The following IGSF1 variants were observed in gnomAD, a reference collection of about 807,000 sequenced individuals.
The protein encoded by IGSF1 is immunoglobulin superfamily member 1, also known as immunoglobulin-like domain-containing protein 1.
IGSF1 carries 40 observed loss-of-function variants against 95.3 expected under a neutral mutation model. The observed-to-expected ratio is 0.42, with a 90% CI of 0.33 to 0.55. IGSF1 has a LOEUF of 0.55. IGSF1 is among the 20% of genes least tolerant of loss of function. The pLI is 0.10. For synonymous variants in IGSF1, 372 were observed against 382.9 expected (o/e 0.97, Z 0.33); for missense variants, 906 against 1,025.4 (o/e 0.88, Z 1.59).
In IGSF1 at chrX:131,283,102, T is replaced by G; in HGVS notation, c.830A>C (p.Asn277Thr). The change falls in exon 6 of 20, where the codon AAT (asparagine) becomes ACT (threonine). Residue 277 changes from asparagine to threonine, a missense_variant. Around this residue, in one of 5 missense-constraint regions of IGSF1, gnomAD observed 442 missense variants for 448.1 expected, o/e 0.99. Transcript: ENST00000361420. Reference sequence around the variant, plus strand: ...AGACTGGAAGAAGAAATTTGCCTCATTTTTTATTGTCTTCTTGTGGTAAAA... The same window carrying G: ...AGACTGGAAGAAGAAATTTGCCTCAGTTTTTATTGTCTTCTTGTGGTAAAA... ...KSFYHKKTIK[N>T]EANFFFQSLK... 2 of 1,210,373 alleles carry G rather than the reference T, an allele frequency of 1.7e-6. No individual in the cohort carries two copies. The highest frequency in any genetic ancestry group is 1.1e-6 in the Non-Finnish European group (1 of 894,140).
chrX:131,286,177 T>C (rs2080634183), intron 3 of IGSF1, 129 bp from the exon 4 acceptor site: 3 of 608,501 alleles, frequency 4.9e-6, no homozygotes, highest in African/African-American at 4.6e-5. Context: ...GGGACAGGAG[T>C]GTGCTCCTGT....
intron 13 of IGSF1, 79 bp downstream of exon 13, chrX:131,277,777 G>T: frequency 9.5e-7 from 1 of 1,056,627 alleles, no homozygotes; most frequent in East Asian, 3.0e-5. Flanking sequence ...GTTTGCTGCA[G>T]GGAGAGGAGT....
chrX:131,283,297 A>G, intron 5 of IGSF1, 33 bp from the exon 6 acceptor site: 1 of 1,109,594 alleles, frequency 9.0e-7, no homozygotes, highest in African/African-American at 1.8e-5. Flanking sequence ...AGTTAGAGGC[A>G]AGATGATTCT....
chrX:131,273,635 C>T lies in IGSF1; in HGVS notation c.*161G>A, dbSNP rs1482875510. 5.9e-6 allele frequency: 3 copies of T among 506,929 alleles called. No individual in the cohort carries two copies. The highest frequency in any genetic ancestry group is 3.5e-5 in the South Asian group (1 of 28,260). 41.8% of individuals were successfully genotyped at this position (506,929 alleles called of 1,213,427 possible). Reference sequence around the variant, plus strand: ...GAACCTCTCTTCAGGAAACATCTCACCCTGGCAGAGCTCTCAACTCCCAGA... The same window carrying T: ...GAACCTCTCTTCAGGAAACATCTCATCCTGGCAGAGCTCTCAACTCCCAGA... On this transcript the variant is annotated 3_prime_UTR_variant, in exon 20 of 20. Coordinates refer to ENST00000361420, the MANE Select transcript of IGSF1 (RefSeq NM_001555.5).
At position 131,285,856 on chromosome X, in the gene IGSF1, G is replaced by A. The variant is rs866336304; in HGVS notation, c.290C>T (p.Thr97Ile). 2 of 1,210,939 alleles carry A rather than the reference G, an allele frequency of 1.7e-6. No individual in the cohort carries two copies. The highest frequency in any genetic ancestry group is 1.8e-5 in the South Asian group (1 of 56,952). The change falls in exon 4 of 20, where the codon ACT becomes ATT. Residue 97 changes from threonine (T) to isoleucine (I), a missense_variant. This residue lies in a region of IGSF1 where 442 missense variants were observed against 448.1 expected (regional missense o/e 0.99). Transcript: ENST00000361420. ...CCGGTAAAGACCTGCATTGGACTCA[G>A]TAAGGGCACCTATAAGGAATGAAAC... ...FQVSFLIGALTESNAGLYRCC... is the reference protein window; with the variant it reads ...FQVSFLIGALIESNAGLYRCC...
chrX:131,281,122 A>C, intron 9 of IGSF1, 96 bp downstream of exon 9: 1 of 981,948 alleles, frequency 1.0e-6, no homozygotes, highest in Non-Finnish European at 1.4e-6. Flanking sequence ...TAGGGGTTCT[A>C]TAGGGTTTGC....
Position 131,285,318 on chromosome X carries a change from G to T in IGSF1, c.528C>A (p.Val176=). Residue 176 remains valine (V), a synonymous_variant, in exon 5 of 20, where the codon GTC becomes GTA. Transcript: ENST00000361420. ...AGAATATGGCCATTGTCCCAGTTGG[G>T]ACTTGGTAATCCACAGGCTCTGCAT... ...EGYAEPVDYQ[V]PTGTMAIFSI... is the part of the protein sequence containing the mutation. The T allele has an allele frequency of 8.3e-7, 1 of 1,211,104 alleles. No individual in the cohort carries two copies. The highest frequency in any genetic ancestry group is 1.1e-6 in the Non-Finnish European group (1 of 894,909).
rs1184829838 is a variant in IGSF1, at chrX:131,276,058, T to G, written c.2799A>C (p.Gly933=). Reference sequence around the variant, plus strand: ...AGCTATAGTTCCCAGAGTCCTCTGCTCCAACAGTGTGGAGAAGGAAGTCAG... The same window carrying G: ...AGCTATAGTTCCCAGAGTCCTCTGCGCCAACAGTGTGGAGAAGGAAGTCAG... ...NSADFLLHTV[G]AEDSGNYSCI... The change falls in exon 15 of 20, where the codon GGA becomes GGC. Residue 933 remains glycine, a synonymous_variant. Transcript: ENST00000361420. 8.3e-7 allele frequency: 1 copy of G among 1,209,796 alleles called. No homozygotes were observed. Among genetic ancestry groups the G allele is most frequent in the East Asian group, 3.0e-5 (1 of 33,823 alleles).
chrX:131,287,690 G>C (rs1429464614), intron 1 of IGSF1, among the ~76,000 whole-genome samples: 1 of 111,440 alleles, frequency 9.0e-6, no homozygotes, highest in Non-Finnish European at 1.9e-5. Flanking sequence ...AGTTCAGGGA[G>C]GCTTTCCATT....
In IGSF1 at chrX:131,282,604, T is replaced by C. The variant is rs755775658; in HGVS notation, c.1086A>G (p.Pro362=). 8.3e-7 allele frequency: 1 copy of C among 1,210,721 alleles called. No homozygotes were observed. The highest frequency in any genetic ancestry group is 1.1e-6 in the Non-Finnish European group (1 of 894,927). The change falls in exon 7 of 20, where the codon CCA becomes CCG. Residue 362 remains proline (P), a synonymous_variant. Coordinates refer to ENST00000361420, the MANE Select transcript of IGSF1 (RefSeq NM_001555.5). ...LALYKKGEDK[P]LQFLDATSID... is the part of the protein sequence containing the mutation. ...TGCTGGTGGCATCCAAAAATTGAAG[T>C]GGTTTGTCTTCTCCTTTCTTATAGA...
rs779343891 is a variant in IGSF1, at chrX:131,282,663, A to G, written c.1027T>C (p.Cys343Arg). The change falls in exon 7 of 20, where the codon TGT becomes CGT. Residue 343 changes from cysteine (C) to arginine (R), a missense_variant. By Grantham distance (180) the Cys-to-Arg change is radical. Coordinates refer to ENST00000361420, the MANE Select transcript of IGSF1 (RefSeq NM_001555.5). The part of the protein sequence containing the change: ...VQMGQNVSLR[C>R]RGPVDGVGLA... ...CCCACTCCATCCACTGGTCCTCGAC[A>G]CCGTAGGCTCACATTCTGACCCATT... is the stretch of plus-strand genomic sequence containing the variant. 5.8e-6 allele frequency: 7 copies of G among 1,210,612 alleles called. No homozygotes were observed. The Admixed American group carries it at 1.5e-4, about 26-fold the overall frequency.
intron 11 of IGSF1, 50 bp downstream of exon 11, chrX:131,279,093 T>A: frequency 8.9e-7 from 1 of 1,123,140 alleles, no homozygotes; most frequent in Non-Finnish European, 1.2e-6. Context: ...TCTGTAGTTA[T>A]TTCGGATCTC....
At position 131,274,203 on chromosome X, in the gene IGSF1, G is replaced by T; in HGVS notation, c.3755C>A (p.Pro1252His). ...CCCTACAGTGCACTCCTGAGCAACA[G>T]GCCCTGTGGTGATGAAAGAGGAGAA... ...DPLELVGAAG[P>H]VAQECTVGNI... Residue 1252 changes from proline (P) to histidine (H), a missense_variant, in exon 19 of 20, where the codon CCT becomes CAT. Physicochemically the swap from Pro to His is moderately conservative, Grantham distance 77 (BLOSUM62 -2). This residue lies in a region of IGSF1 where 411 missense variants were observed against 494.9 expected (regional missense o/e 0.83). Transcript: ENST00000361420. 1 of 1,211,003 alleles carries T rather than the reference G, an allele frequency of 8.3e-7. No homozygotes were observed. The highest frequency in any genetic ancestry group is 1.1e-6 in the Non-Finnish European group (1 of 895,226).
At position 131,279,258 on chromosome X, in the gene IGSF1, C is replaced by G. The variant is rs201678332; in HGVS notation, c.1717+13G>C. On this transcript the variant is annotated intron_variant, in intron 10 of 19. Transcript: ENST00000361420. The stretch of plus-strand genomic sequence containing the variant: ...GCCTTCTGCCCGGGGCCCCTTCCCC[C>G]ACTTGTACTCACCACAGCAGAGAAG... 157 of 1,208,380 alleles carry G rather than the reference C, an allele frequency of 1.3e-4. 1 individual carries two copies. In the Admixed American group the frequency reaches 3.0e-3, roughly 23 times the overall value.
chrX:131,275,009 G>C lies in IGSF1; in HGVS notation c.3462C>G (p.Ile1154Met). 8.3e-7 allele frequency: 1 copy of C among 1,211,273 alleles called. No individual in the cohort carries two copies. The highest frequency in any genetic ancestry group is 1.1e-6 in the Non-Finnish European group (1 of 894,920). Residue 1154 changes from isoleucine (I) to methionine (M), a missense_variant, in exon 17 of 20, where the codon ATC (isoleucine) becomes ATG (methionine). Transcript: ENST00000361420. ...TCTCCAGGACCTTACCAGTCACCCA[G>C]ATCTCCAGGGAGTCACTGTGATTTG... is the stretch of plus-strand genomic sequence containing the variant. The part of the protein sequence containing the change: ...AASNHSDSLE[I>M]WVTDKPPKPS...
rs2080582255 is a variant in IGSF1, at chrX:131,282,896, CAGGATT to C, written c.952+78_952+83del. Reference sequence around the variant, plus strand: ...CCTTCTCTACTGTTAACCCTGGCCACAGGATTAGGTTCTCCAGGGAGCACAGAGGGA... The same window carrying C: ...CCTTCTCTACTGTTAACCCTGGCCACAGGTTCTCCAGGGAGCACAGAGGGA... On this transcript the variant is annotated intron_variant, in intron 6 of 19. Transcript: ENST00000361420. 4.1e-6 allele frequency: 4 copies of C among 976,899 alleles called. No homozygotes were observed. In the Admixed American group the frequency reaches 7.6e-5, roughly 19 times the overall value. The allele number at this position is 976,899 out of a possible 1,213,427, so 80.5% of individuals were successfully genotyped here.
At position 131,279,346 on chromosome X, in the gene IGSF1, T is replaced by A. The variant is rs754228461; in HGVS notation, c.1647-5A>T. ...GTTCCCAGCAACCAGGCTTCTCTAG[T>A]GAGACCAGAAAAGAGATGAGAGGAG... On this transcript the variant is annotated splice_region_variant and splice_polypyrimidine_tract_variant and intron_variant, in intron 9 of 19. Transcript: ENST00000361420. 17 of 1,201,419 alleles carry A rather than the reference T, an allele frequency of 1.4e-5. No individual in the cohort carries two copies. The highest frequency in any genetic ancestry group is 3.4e-6 in the Non-Finnish European group (3 of 887,928).
intron 14 of IGSF1, among the ~76,000 whole-genome samples, chrX:131,276,613 G>T (rs1386426125): frequency 9.0e-6 from 1 of 111,020 alleles, no homozygotes; most frequent in African/African-American, 3.3e-5. Flanking sequence ...AGAAAAAGTG[G>T]ACATTGAGCC....
chrX:131,286,552 G>A (rs376979090), intron 2 of IGSF1, 53 bp downstream of exon 2: 8 of 1,169,760 alleles, frequency 6.8e-6, no homozygotes, highest in Non-Finnish European at 9.3e-6. Context: ...CACCCCTAAT[G>A]AGTGGGTACC....
Sources: allele counts gnomAD v4.1 joint callset (sites outside exome capture counted in the v4.1 genomes callset), GRCh38; gene constraint gnomAD v4.1.1; regional missense constraint gnomAD v4.1.1; transcripts MANE v1.5; gene names NCBI Gene and HGNC (gene_info 2026-07-23, HGNC 2026-07-21).